BAZ1A: variants seen among roughly 807,000 people sequenced by gnomAD.
The protein encoded by BAZ1A is bromodomain adjacent to zinc finger domain 1A.
Under a neutral mutation model 185.2 loss-of-function variants are expected in BAZ1A, and 50 were observed. The ratio of observed to expected loss-of-function variants is 0.27; its 90% CI spans 0.22 to 0.34. The LOEUF (loss-of-function observed/expected upper bound fraction) is 0.34, where lower values mean the gene tolerates loss of function less well. Ranked by LOEUF, BAZ1A falls within the 10% of genes least tolerant of loss-of-function variation. BAZ1A has a pLI of 1.00. For synonymous variants in BAZ1A, 571 were observed against 615.6 expected (o/e 0.93, Z 1.07); for missense variants, 1,356 against 1,839.9 (o/e 0.74, Z 4.81).
In BAZ1A at chr14:34,776,001, G is replaced by A; in HGVS notation, c.2751C>T (p.Ala917=). ...TCTCTTGTAACAAAGTTTCTTTTAA[G>A]GCACTTTCTCTATGTCCTCTAGAAT... The part of the protein sequence containing the change: ...ALNSRGHRES[A]LKETLLQEKS... The change falls in exon 18 of 27, where the codon GCC becomes GCT. Residue 917 remains alanine, a synonymous_variant. Coordinates refer to ENST00000360310, the MANE Select transcript of BAZ1A (RefSeq NM_013448.3). 1 of 1,613,990 alleles carries A rather than the reference G, an allele frequency of 6.2e-7. No individual in the cohort carries two copies. The highest frequency in any genetic ancestry group is 1.1e-5 in the South Asian group (1 of 91,060).
rs543402980 is a variant in BAZ1A, at chr14:34,784,673, A to G, written c.1832-746T>C. Among the ~76,000 whole-genome samples the G allele has an allele frequency of 7.1e-4, 107 of 150,612 alleles. 1 individual carries two copies. Among genetic ancestry groups the G allele is most frequent in the Admixed American group, 4.5e-3 (68 of 15,064 alleles). ...GCTGGGACTACAGGCGCCCGCCACC[A>G]CGCCTAGCTAATTTTTTTGTATTTT... is the stretch of plus-strand genomic sequence containing the variant. On this transcript the variant is annotated intron_variant, in intron 14 of 26. Coordinates refer to ENST00000360310, the MANE Select transcript of BAZ1A (RefSeq NM_013448.3).
chr14:34,753,220 T>G lies in BAZ1A; in HGVS notation c.*288A>C, dbSNP rs1886092839. Reference sequence around the variant, plus strand: ...AAAATAAATCGTGGGTGAAAAAATATTTTCCAAGATCTCTGGACACATGAA... The same window carrying G: ...AAAATAAATCGTGGGTGAAAAAATAGTTTCCAAGATCTCTGGACACATGAA... On this transcript the variant is annotated 3_prime_UTR_variant, in exon 27 of 27. Coordinates refer to ENST00000360310, the MANE Select transcript of BAZ1A (RefSeq NM_013448.3). 1 of 288,656 alleles carries G rather than the reference T, an allele frequency of 3.5e-6. No individual in the cohort carries two copies. Among genetic ancestry groups the G allele is most frequent in the Non-Finnish European group, 6.4e-6 (1 of 155,490 alleles). 17.9% of individuals were successfully genotyped at this position (288,656 alleles called of 1,614,324 possible).
intron 3 of BAZ1A, among the ~76,000 whole-genome samples, chr14:34,842,373 G>C (rs897578375): frequency 6.6e-6 from 1 of 152,110 alleles, no homozygotes; most frequent in Non-Finnish European, 1.5e-5. Context: ...TACTAGAAAA[G>C]AAAAAGGCTT....
chr14:34,868,331 A>G (rs2042894749), intron 2 of BAZ1A, among the ~76,000 whole-genome samples: 2 of 152,198 alleles, frequency 1.3e-5, no homozygotes, highest in African/African-American at 4.8e-5. Context: ...CCATTATTTC[A>G]TAAGGAAAAG....
At chr14:34,806,612 AG>A (rs774851099) in intron 6 of BAZ1A, among the ~76,000 whole-genome samples, 1 of 152,118 alleles carries the variant, frequency 6.6e-6, no homozygotes, top group Non-Finnish European at 1.5e-5. Context: ...AATTACTTTG[AG>A]TTTTACCATT....
intron 3 of BAZ1A, among the ~76,000 whole-genome samples, chr14:34,844,162 C>T (rs1270609197): frequency 1.4e-5 from 2 of 141,976 alleles, no homozygotes; most frequent in East Asian, 2.1e-4. Flanking sequence ...GCAGAGATCG[C>T]GCCACTGCAC....
At chr14:34,757,855 T>C (rs1386498842) in intron 25 of BAZ1A, among the ~76,000 whole-genome samples, 1 of 149,492 alleles carries the variant, frequency 6.7e-6, no homozygotes, top group Non-Finnish European at 1.5e-5. Flanking sequence ...CAAGTAATTC[T>C]CCTGCCTCAG....
At chr14:34,791,119 T>C (rs1880813280) in intron 12 of BAZ1A, among the ~76,000 whole-genome samples, 1 of 141,426 alleles carries the variant, frequency 7.1e-6, no homozygotes, top group Non-Finnish European at 1.5e-5. Context: ...CGAAACTCTG[T>C]CTCAAAAAAG....
At chr14:34,848,762 A>G (rs1432069543) in intron 3 of BAZ1A, among the ~76,000 whole-genome samples, 1 of 152,184 alleles carries the variant, frequency 6.6e-6, no homozygotes, top group Non-Finnish European at 1.5e-5. Context: ...TATGGGGATA[A>G]TATTTGGGGA....
chr14:34,828,056 A>G (rs936437558), intron 3 of BAZ1A, among the ~76,000 whole-genome samples: 4 of 152,024 alleles, frequency 2.6e-5, no homozygotes, highest in African/African-American at 9.7e-5. Context: ...GCACTTTGGG[A>G]CACCGAGGCG....
intron 10 of BAZ1A, 88 bp downstream of exon 10, chr14:34,795,579 GGCT>G: frequency 1.2e-6 from 1 of 807,000 alleles, no homozygotes; most frequent in East Asian, 2.8e-5. Context: ...AAAGAGAAGA[GGCT>G]GCTATTAAAT....
intron 7 of BAZ1A, among the ~76,000 whole-genome samples, chr14:34,802,334 G>C (rs1167144924): frequency 1.3e-5 from 2 of 151,930 alleles, no homozygotes; most frequent in Non-Finnish European, 1.5e-5. Context: ...CTGCCTCCCG[G>C]GTTTGAGCAA....
At chr14:34,834,562 G>A (rs2042299095) in intron 3 of BAZ1A, among the ~76,000 whole-genome samples, 2 of 152,202 alleles carry the variant, frequency 1.3e-5, no homozygotes, top group Admixed American at 1.3e-4. Context: ...TTGCCCAGAA[G>A]TAAATTATAT....
Position 34,832,189 on chromosome 14 carries a change from T to C in BAZ1A, c.393-6033A>G, listed in dbSNP as rs200805490. Among the ~76,000 whole-genome samples, 519 of 65,644 alleles carry C rather than the reference T, an allele frequency of 7.9e-3. 6 individuals carry two copies. Among genetic ancestry groups the C allele is most frequent in the South Asian group, 0.025 (34 of 1,374 alleles). 43.1% of individuals were successfully genotyped at this position (65,644 alleles called of 152,430 possible). On this transcript the variant is annotated intron_variant, in intron 3 of 26. Transcript: ENST00000360310. ...ATGTGTGTATATATACATATATACA[T>C]ATACACACACACACACACACACACA...
At chr14:34,754,578 CTTCT>C (rs1370069121) in intron 26 of BAZ1A, among the ~76,000 whole-genome samples, 6 of 152,162 alleles carry the variant, frequency 3.9e-5, no homozygotes, top group African/African-American at 1.4e-4. Context: ...TTATAAAGAA[CTTCT>C]TTGAGTAAGA....
At chr14:34,833,867 T>C (rs2042289054) in intron 3 of BAZ1A, among the ~76,000 whole-genome samples, 1 of 152,128 alleles carries the variant, frequency 6.6e-6, no homozygotes, top group Non-Finnish European at 1.5e-5. Flanking sequence ...AAAAATTTTA[T>C]GTTTATTTTA....
At chr14:34,759,372 A>G (rs1053426383) in intron 24 of BAZ1A, among the ~76,000 whole-genome samples, 1 of 151,790 alleles carries the variant, frequency 6.6e-6, no homozygotes, top group African/African-American at 2.4e-5. Context: ...TTTAGTAGAG[A>G]CAGGGTTTCA....
At chr14:34,861,594 G>C (rs1052821241) in intron 3 of BAZ1A, among the ~76,000 whole-genome samples, 7 of 151,994 alleles carry the variant, frequency 4.6e-5, no homozygotes, top group African/African-American at 1.7e-4. Context: ...GACATAATGA[G>C]GACACAGTAG....
rs376095276 is a variant in BAZ1A at position 34,798,073 on chromosome 14, T to G, written c.1128+2151A>C. 7.9e-4 allele frequency among the ~76,000 whole-genome samples: 120 copies of G among 152,354 alleles called. 3 individuals carry two copies. In the South Asian group the frequency reaches 0.024, roughly 30 times the overall value. ...CCCACAAAGCCTTGCTCACTGCTAGTGCAGCAGTCTGAGATCGACCTGCGA... is the reference window on the plus strand; with the variant it reads ...CCCACAAAGCCTTGCTCACTGCTAGGGCAGCAGTCTGAGATCGACCTGCGA... On this transcript the variant is annotated intron_variant, in intron 9 of 26. Coordinates refer to ENST00000360310, the MANE Select transcript of BAZ1A (RefSeq NM_013448.3).
Sources: gnomAD v4.1 joint callset for allele counts (sites outside exome capture counted in the v4.1 genomes callset) on GRCh38, gnomAD v4.1.1 for gene constraint, MANE v1.5 for transcripts, NCBI Gene and HGNC (gene_info 2026-07-23, HGNC 2026-07-21) for gene names.